The following CRACR2A variants were observed in gnomAD, a reference collection of about 807,000 sequenced individuals.
CRACR2A encodes the protein calcium release activated channel regulator 2A.
A neutral mutation model predicts 90.5 loss-of-function variants in CRACR2A; 79 were observed. The observed-to-expected ratio is 0.87, with a 90% CI of 0.73 to 1.05. The LOEUF is 1.05. Ranked by LOEUF, CRACR2A falls within the 50% of genes least tolerant of loss-of-function variation. The probability of loss-of-function intolerance (pLI) is 0.00; values close to 1 mark genes in which losing one functional copy is unlikely to be tolerated. For synonymous variants in CRACR2A, 338 were observed against 356.7 expected, an observed-to-expected ratio of 0.95 and a Z score of 0.59; for missense variants, 823 against 897.2, an observed-to-expected ratio of 0.92 and a Z score of 1.06.
At chr12:3,677,400 C>T (rs559245020) in intron 6 of CRACR2A, among the ~76,000 whole-genome samples, 1 of 151,112 alleles carries the variant, frequency 6.6e-6, no homozygotes, top group South Asian at 2.1e-4. Context: ...CACAAAACCT[C>T]CTCTTCTTCG....
chr12:3,690,311 C>A (rs1286636813), intron 4 of CRACR2A, among the ~76,000 whole-genome samples: 1 of 152,134 alleles, frequency 6.6e-6, no homozygotes, highest in Non-Finnish European at 1.5e-5. Flanking sequence ...TATAAATTTA[C>A]CTCTTAACAC....
chr12:3,687,729 C>T (rs1040552412), intron 4 of CRACR2A, among the ~76,000 whole-genome samples: 7 of 152,148 alleles, frequency 4.6e-5, no homozygotes, highest in African/African-American at 1.7e-4. Flanking sequence ...TTGCTGGGTC[C>T]ATGGTAGTTC....
chr12:3,717,468 G>A (rs915383513), intron 2 of CRACR2A, among the ~76,000 whole-genome samples: 1 of 152,170 alleles, frequency 6.6e-6, no homozygotes, highest in Non-Finnish European at 1.5e-5. Context: ...ATTCAAGTCA[G>A]GTTATGTTCT....
intron 3 of CRACR2A, among the ~76,000 whole-genome samples, chr12:3,712,996 C>T (rs1946028483): frequency 6.6e-6 from 1 of 151,952 alleles, no homozygotes; most frequent in Non-Finnish European, 1.5e-5. Context: ...AGAGGCCTCC[C>T]TTAAATGAAC....
intron 7 of CRACR2A, among the ~76,000 whole-genome samples, chr12:3,668,867 G>T (rs1422896924): frequency 1.3e-5 from 2 of 152,212 alleles, no homozygotes; most frequent in Non-Finnish European, 2.9e-5. Flanking sequence ...AGTGCCTGAG[G>T]TCTGATTCAG....
intron 3 of CRACR2A, among the ~76,000 whole-genome samples, chr12:3,712,471 GC>G (rs1013292779): frequency 2.0e-5 from 3 of 152,128 alleles, no homozygotes; most frequent in African/African-American, 7.2e-5. Context: ...CAAAGCAGGA[GC>G]AACAGAGAGA....
chr12:3,702,536 A>G (rs945379765), intron 3 of CRACR2A, among the ~76,000 whole-genome samples: 2 of 152,212 alleles, frequency 1.3e-5, no homozygotes, highest in African/African-American at 4.8e-5. Context: ...AAATAAAAAT[A>G]TCATTTGCAA....
chr12:3,626,807 A>C (rs1050933159), intron 17 of CRACR2A, among the ~76,000 whole-genome samples: 2 of 151,208 alleles, frequency 1.3e-5, no homozygotes, highest in African/African-American at 4.9e-5. Flanking sequence ...GCAAGTAGGA[A>C]TCATAAACAT....
At position 3,678,932 on chromosome 12, in the gene CRACR2A, G is replaced by C; in HGVS notation, c.507C>G (p.Ala169=). 2 of 1,608,662 alleles carry C rather than the reference G, an allele frequency of 1.2e-6. No individual in the cohort carries two copies. Among genetic ancestry groups the C allele is most frequent in the Non-Finnish European group, 1.7e-6 (2 of 1,178,092 alleles). ...QFRMLMDRLG[A]QKVLEDESDV... ...CCACTTACTCTTCCAACACCTTTTG[G>C]GCTCCAAGTCTGTCCATCAGCATCC... The change falls in exon 6 of 20, where the codon GCC becomes GCG. Residue 169 remains alanine (A), a synonymous_variant. Transcript: ENST00000440314.
intron 6 of CRACR2A, among the ~76,000 whole-genome samples, chr12:3,678,350 C>T (rs916635079): frequency 5.9e-5 from 9 of 152,162 alleles, no homozygotes; most frequent in African/African-American, 2.2e-4. Context: ...CTGCTAAAAA[C>T]TGCTTCATTT....
Position 3,633,232 on chromosome 12 carries a change from G to C in CRACR2A, c.1735+372C>G, listed in dbSNP as rs1329576665. On this transcript the variant is annotated intron_variant, in intron 15 of 19. Coordinates refer to ENST00000440314, the MANE Select transcript of CRACR2A (RefSeq NM_001144958.2). This position sits in a 1 kb window ranked among gnomAD's most constrained non-coding sequence, Gnocchi z 4.5. ...GGAGGAGTCCTGGTCAGTTCAGGGG[G>C]AGCAGGAAGACCCAGGACCCTGCTG... is the stretch of plus-strand genomic sequence containing the variant. 6.6e-6 allele frequency among the ~76,000 whole-genome samples: 1 copy of C among 152,078 alleles called. No homozygotes were observed. The highest frequency in any genetic ancestry group is 1.9e-4 in the East Asian group (1 of 5,186).
At chr12:3,737,029 G>A (rs952779423) in intron 1 of CRACR2A, among the ~76,000 whole-genome samples, 2 of 152,208 alleles carry the variant, frequency 1.3e-5, no homozygotes, top group Non-Finnish European at 1.5e-5. Flanking sequence ...GTGGACAGGG[G>A]AGAAAGTGGA....
chr12:3,750,224 C>T (rs1014627768), intron 1 of CRACR2A, among the ~76,000 whole-genome samples: 4 of 149,914 alleles, frequency 2.7e-5, no homozygotes, highest in Non-Finnish European at 5.9e-5. Context: ...TGTGAGCCAC[C>T]AAGCCTGGCC....
chr12:3,674,958 G>C (rs1025811436), intron 6 of CRACR2A, among the ~76,000 whole-genome samples: 15 of 152,028 alleles, frequency 9.9e-5, no homozygotes, highest in Non-Finnish European at 2.2e-4. Context: ...GTTAAACTTT[G>C]AGACTTTATG....
At chr12:3,652,009 A>G (rs1294353603) in intron 10 of CRACR2A, among the ~76,000 whole-genome samples, 2 of 152,156 alleles carry the variant, frequency 1.3e-5, no homozygotes, top group Admixed American at 6.5e-5. Context: ...CCGGCTGCAC[A>G]AGAAACTGCA....
At chr12:3,644,895 C>T (rs1352643011) in intron 11 of CRACR2A, among the ~76,000 whole-genome samples, 1 of 152,320 alleles carries the variant, frequency 6.6e-6, no homozygotes, top group Non-Finnish European at 1.5e-5. Context: ...TGCATGGCCT[C>T]TCTTATTATT....
At chr12:3,664,745 G>C (rs900918802) in intron 7 of CRACR2A, among the ~76,000 whole-genome samples, 1 of 152,208 alleles carries the variant, frequency 6.6e-6, no homozygotes, top group East Asian at 1.9e-4. Flanking sequence ...AGTGGCTCAC[G>C]CTTGTAATCC....
intron 6 of CRACR2A, among the ~76,000 whole-genome samples, chr12:3,677,704 G>A (rs1386436613): frequency 5.3e-5 from 8 of 152,152 alleles, no homozygotes; most frequent in South Asian, 2.1e-4. Flanking sequence ...ACCCACCTGT[G>A]CCCCTTCCAC....
chr12:3,713,613 A>C (rs1485479930), intron 2 of CRACR2A, among the ~76,000 whole-genome samples: 1 of 152,178 alleles, frequency 6.6e-6, no homozygotes, highest in Non-Finnish European at 1.5e-5. Context: ...TTAATTGGAC[A>C]CTGCCCCCCT....
Sources: gnomAD v4.1 joint callset for allele counts (sites outside exome capture counted in the v4.1 genomes callset) on GRCh38, gnomAD v4.1.1 for gene constraint, Gnocchi (gnomAD v3.1) non-coding constraint, MANE v1.5 for transcripts, NCBI Gene and HGNC (gene_info 2026-07-23, HGNC 2026-07-21) for gene names.